The following GPR107 variants were observed in gnomAD, a reference collection of about 807,000 sequenced individuals.
GPR107 encodes the protein G protein-coupled receptor 107, also known as protein GPR107.
In GPR107, 31 loss-of-function variants were observed where a neutral mutation model predicts 75.5. The observed-to-expected ratio is 0.41, with a 90% CI of 0.31 to 0.55. The LOEUF (loss-of-function observed/expected upper bound fraction) is 0.55, where lower values mean the gene tolerates loss of function less well. Ranked by LOEUF, GPR107 falls within the 20% of genes least tolerant of loss-of-function variation. GPR107 has a pLI of 0.26. For synonymous variants in GPR107, 267 were observed against 251.3 expected, an observed-to-expected ratio of 1.06 and a Z score of -0.59; for missense variants, 572 against 665.7, an observed-to-expected ratio of 0.86 and a Z score of 1.55.
rs77331430 is a variant in GPR107 at position 130,112,158 on chromosome 9, A to G, written c.1306+4619A>G. ...TTTTTGGGCCTTGTGTTTCTGAGGA[A>G]AAGTCAGAAGATGTATTCTGAAGAG... On this transcript the variant is annotated intron_variant, in intron 14 of 17. Coordinates refer to ENST00000347136, the MANE Select transcript of GPR107 (RefSeq NM_020960.5). The surrounding 1 kb of genome is among the most constrained non-coding windows in gnomAD (Gnocchi z 4.0). Among the ~76,000 whole-genome samples the G allele has an allele frequency of 5.8e-3, 876 of 152,336 alleles. 10 individuals carry two copies. The highest frequency in any genetic ancestry group is 0.017 in the Middle Eastern group (5 of 294).
chr9:130,122,696 G>T (rs1011001718), intron 14 of GPR107, among the ~76,000 whole-genome samples: 5 of 152,168 alleles, frequency 3.3e-5, no homozygotes, highest in African/African-American at 9.7e-5. Context: ...CTGGCTCAGA[G>T]TTGGGGCTTG....
chr9:130,064,332 G>GGA (rs1230270400), intron 1 of GPR107, among the ~76,000 whole-genome samples: 5 of 150,286 alleles, frequency 3.3e-5, no homozygotes, highest in Non-Finnish European at 5.9e-5. Flanking sequence ...CGAGTAGCTG[G>GGA]GACTACAGGC....
At chr9:130,097,152 TTTC>T (rs1382879329) in intron 9 of GPR107, among the ~76,000 whole-genome samples, 3 of 67,774 alleles carry the variant, frequency 4.4e-5, no homozygotes, top group Non-Finnish European at 6.3e-5. Flanking sequence ...TTTTCTTTTT[TTTC>T]TTTTTTTTTT....
At chr9:130,119,823 T>G (rs962368044) in intron 14 of GPR107, among the ~76,000 whole-genome samples, 25 of 150,418 alleles carry the variant, frequency 1.7e-4, no homozygotes, top group Non-Finnish European at 3.4e-4. Context: ...AGTCTGTTTT[T>G]TTTGTTTGTT....
rs184924581 is a variant in GPR107 at position 130,085,407 on chromosome 9, A to C, written c.565-1013A>C. Among the ~76,000 whole-genome samples, 198 of 152,294 alleles carry C rather than the reference A, an allele frequency of 1.3e-3. 1 individual carries two copies. The highest frequency in any genetic ancestry group is 4.4e-3 in the African/African-American group (184 of 41,562). The stretch of plus-strand genomic sequence containing the variant: ...ATCTTGATTTCTCCATGAGGGGGAC[A>C]TCTAAATGGTGATGTTTTGTCTTAA... On this transcript the variant is annotated intron_variant, in intron 6 of 17. Coordinates refer to ENST00000347136, the MANE Select transcript of GPR107 (RefSeq NM_020960.5).
intron 1 of GPR107, among the ~76,000 whole-genome samples, chr9:130,062,504 C>T (rs925903411): frequency 1.3e-4 from 20 of 151,450 alleles, no homozygotes; most frequent in Non-Finnish European, 2.1e-4. Flanking sequence ...ATTCATTCAA[C>T]GTTTATTAAA....
chr9:130,062,420 G>GATAATAATAATAATAATAATA (rs10578697), intron 1 of GPR107, among the ~76,000 whole-genome samples: 1 of 139,874 alleles, frequency 7.1e-6, no homozygotes, highest in Non-Finnish European at 1.5e-5. Context: ...TCTCGAAAAT[G>GATAATAATAATAATAATAATA]ATAATAATAA....
At chr9:130,106,353 C>T (rs1831154698) in intron 13 of GPR107, among the ~76,000 whole-genome samples, 1 of 151,998 alleles carries the variant, frequency 6.6e-6, no homozygotes. Context: ...AATCCCAGCA[C>T]TTTGGGAGGC....
At chr9:130,075,491 C>A in intron 1 of GPR107, 145 bp from the exon 2 acceptor site, 1 of 528,528 alleles carries the variant, frequency 1.9e-6, no homozygotes, top group Non-Finnish European at 3.5e-6. Context: ...GGTGATCCAC[C>A]CGCCTCAGTC....
chr9:130,131,343 G>A (rs1374233023), intron 17 of GPR107, among the ~76,000 whole-genome samples: 2 of 152,078 alleles, frequency 1.3e-5, no homozygotes, highest in Admixed American at 1.3e-4. Context: ...TTTGCTGGGG[G>A]AACAGGATGT....
At chr9:130,063,290 A>C (rs901839961) in intron 1 of GPR107, among the ~76,000 whole-genome samples, 1 of 151,928 alleles carries the variant, frequency 6.6e-6, no homozygotes, top group Non-Finnish European at 1.5e-5. Flanking sequence ...TCCCGGGTTC[A>C]TGCCATTCCC....
chr9:130,134,523 C>T (rs1203557718), intron 17 of GPR107, among the ~76,000 whole-genome samples: 6 of 152,224 alleles, frequency 3.9e-5, no homozygotes, highest in Admixed American at 6.5e-5. Flanking sequence ...TCTATAGTGG[C>T]CAAAGAATCT....
intron 9 of GPR107, among the ~76,000 whole-genome samples, chr9:130,098,708 G>A (rs758292657): frequency 1.1e-4 from 17 of 152,068 alleles, no homozygotes; most frequent in East Asian, 5.8e-4. Context: ...CCAGCAAAAC[G>A]TACTTTATAA....
chr9:130,132,382 C>T (rs1191617468), intron 17 of GPR107, among the ~76,000 whole-genome samples: 2 of 152,218 alleles, frequency 1.3e-5, no homozygotes, highest in Non-Finnish European at 2.9e-5. Context: ...GGAATCAAGG[C>T]CATCCTTGGG....
intron 1 of GPR107, among the ~76,000 whole-genome samples, chr9:130,065,981 C>CT (rs1351417106): frequency 1.3e-5 from 2 of 151,630 alleles, no homozygotes; most frequent in East Asian, 1.9e-4. Flanking sequence ...TCACTCCCCC[C>CT]CAAAAGTATC....
chr9:130,128,468 G>A (rs546787089), intron 16 of GPR107, among the ~76,000 whole-genome samples, 172 bp from the exon 17 acceptor site: 5 of 152,314 alleles, frequency 3.3e-5, no homozygotes, highest in African/African-American at 1.2e-4. Flanking sequence ...GACACTCCTC[G>A]TTTAGGCCTC....
chr9:130,057,893 C>T (rs1157764002), intron 1 of GPR107, among the ~76,000 whole-genome samples: 2 of 150,984 alleles, frequency 1.3e-5, no homozygotes, highest in Admixed American at 6.6e-5. Flanking sequence ...AGCAATGGCG[C>T]GATCTCAGCT....
At chr9:130,120,024 C>T (rs566607714) in intron 14 of GPR107, among the ~76,000 whole-genome samples, 58 of 152,106 alleles carry the variant, frequency 3.8e-4, no homozygotes, top group Non-Finnish European at 7.5e-4. Context: ...CAGGGTCTCC[C>T]TATGTTGCCC....
intron 6 of GPR107, among the ~76,000 whole-genome samples, chr9:130,085,855 G>C (rs1329099492): frequency 6.9e-6 from 1 of 144,410 alleles, no homozygotes; most frequent in Non-Finnish European, 1.5e-5. Context: ...GGTTCAAGCA[G>C]TTCTCCTGCC....
Sources: gnomAD v4.1 joint callset for allele counts (sites outside exome capture counted in the v4.1 genomes callset) on GRCh38, gnomAD v4.1.1 for gene constraint, Gnocchi (gnomAD v3.1) non-coding constraint, MANE v1.5 for transcripts, NCBI Gene and HGNC (gene_info 2026-07-23, HGNC 2026-07-21) for gene names.